SMAD9: variants seen among roughly 807,000 people sequenced by gnomAD.
SMAD9 encodes the protein SMAD family member 9.
In SMAD9, 36 loss-of-function variants were observed where a neutral mutation model predicts 46.1. The observed-to-expected ratio is 0.78, with a 90% CI of 0.60 to 1.03. The LOEUF (loss-of-function observed/expected upper bound fraction) is 1.03. Ranked by LOEUF, SMAD9 falls within the 50% of genes least tolerant of loss-of-function variation. The pLI, the probability that SMAD9 is intolerant of heterozygous loss-of-function variation, is 0.00. For missense variants in SMAD9, 572 were observed against 599.8 expected (o/e 0.95, Z 0.48); for synonymous variants, 245 against 237.1 (o/e 1.03, Z -0.31).
intron 1 of SMAD9, among the ~76,000 whole-genome samples, chr13:36,910,180 C>G (rs554784648): frequency 5.4e-5 from 8 of 147,882 alleles, no homozygotes; most frequent in East Asian, 4.0e-4. Flanking sequence ...GTGGGGGACA[C>G]AGCGAGACTC....
intron 1 of SMAD9, among the ~76,000 whole-genome samples, chr13:36,883,139 C>A (rs929432219): frequency 2.0e-5 from 3 of 152,112 alleles, no homozygotes; most frequent in Non-Finnish European, 4.4e-5. Flanking sequence ...AACCTGGCTC[C>A]GAACAGCTTT....
chr13:36,860,745 G>A (rs375054497), intron 5 of SMAD9, among the ~76,000 whole-genome samples: 2 of 151,952 alleles, frequency 1.3e-5, no homozygotes, highest in African/African-American at 4.8e-5. Context: ...GAGCCACCAC[G>A]CCCGGCCACC....
rs1416355288 is a variant in SMAD9 at position 36,847,595 on chromosome 13, G to A, written c.*1081C>T. The A allele has an allele frequency of 6.6e-6, 1 of 152,206 alleles. No homozygotes were observed. Among genetic ancestry groups the A allele is most frequent in the Admixed American group, 6.5e-5 (1 of 15,280 alleles). The allele number at this position is 152,206 out of a possible 1,614,324, so 9.4% of individuals were successfully genotyped here. ...TAGACACTAGGTTAAATAACTCATT[G>A]ATCCAATAATGTGTCTAGATTTTCT... is the stretch of plus-strand genomic sequence containing the variant. On this transcript the variant is annotated 3_prime_UTR_variant, in exon 7 of 7. Transcript: ENST00000379826.
At chr13:36,862,699 C>T (rs1278055087) in intron 5 of SMAD9, among the ~76,000 whole-genome samples, 1 of 152,182 alleles carries the variant, frequency 6.6e-6, no homozygotes, top group African/African-American at 2.4e-5. Context: ...AATAAACTTG[C>T]TTTCAGTTTA....
chr13:36,884,707 T>C (rs553622498), intron 1 of SMAD9, among the ~76,000 whole-genome samples: 1 of 152,212 alleles, frequency 6.6e-6, no homozygotes, highest in African/African-American at 2.4e-5. Flanking sequence ...TAGCAGTTAC[T>C]GAAGATGATT....
At chr13:36,896,344 G>C (rs1361865745) in intron 1 of SMAD9, among the ~76,000 whole-genome samples, 1 of 151,816 alleles carries the variant, frequency 6.6e-6, no homozygotes, top group Non-Finnish European at 1.5e-5. Flanking sequence ...TGTTTCCTAG[G>C]CTGGTTTCGA....
intron 5 of SMAD9, among the ~76,000 whole-genome samples, chr13:36,858,963 G>A (rs1025385577): frequency 1.3e-5 from 2 of 151,940 alleles, no homozygotes; most frequent in African/African-American, 4.8e-5. Flanking sequence ...CACCCACCTC[G>A]ACCTCCCAAA....
In SMAD9 at chr13:36,846,009, G is replaced by A. The variant is rs908581409; in HGVS notation, c.*2667C>T. 1 of 152,088 alleles carries A rather than the reference G, an allele frequency of 6.6e-6. No homozygotes were observed. The highest frequency in any genetic ancestry group is 1.5e-5 in the Non-Finnish European group (1 of 68,028). The allele number at this position is 152,088 out of a possible 1,614,324, so 9.4% of individuals were successfully genotyped here. ...GGGTGTCACTTTGTCACCCAGGCTA[G>A]AATGAAGTTGTATGATCATAGTTCA... On this transcript the variant is annotated 3_prime_UTR_variant, in exon 7 of 7. Transcript: ENST00000379826.
At chr13:36,902,250 T>C (rs2058582361) in intron 1 of SMAD9, among the ~76,000 whole-genome samples, 1 of 152,188 alleles carries the variant, frequency 6.6e-6, no homozygotes, top group Non-Finnish European at 1.5e-5. Context: ...CTCCACTGAA[T>C]AAAGAACTGG....
At chr13:36,865,510 C>G (rs748347542) in intron 5 of SMAD9, 27 bp downstream of exon 5, 13 of 1,582,754 alleles carry the variant, frequency 8.2e-6, no homozygotes, top group Non-Finnish European at 1.1e-5. Flanking sequence ...GGCTAGATGA[C>G]TAAAGGAATA....
rs1185325031 is a variant in SMAD9 at position 36,847,951 on chromosome 13, G to C, written c.*725C>G. 1 of 152,206 alleles carries C rather than the reference G, an allele frequency of 6.6e-6. No individual in the cohort carries two copies. 9.4% of individuals were successfully genotyped at this position (152,206 alleles called of 1,614,324 possible). A position where few individuals can be genotyped will look rare whatever the true frequency, so the allele number is the denominator to read the frequency against. Reference sequence around the variant, plus strand: ...TTGGACCAAGTTCTGGTCTTATCTTGCAATCTGGGAAACAGCATTTCATGC... The same window carrying C: ...TTGGACCAAGTTCTGGTCTTATCTTCCAATCTGGGAAACAGCATTTCATGC... On this transcript the variant is annotated 3_prime_UTR_variant, in exon 7 of 7. Transcript: ENST00000379826.
intron 1 of SMAD9, among the ~76,000 whole-genome samples, chr13:36,882,253 GTGTGTGTA>G (rs2058410491): frequency 1.4e-5 from 2 of 141,726 alleles, no homozygotes; most frequent in Admixed American, 1.4e-4. Flanking sequence ...GTGTGTGTGT[GTGTGTGTA>G]TGTGTGTGCG....
At chr13:36,865,791 A>C in intron 4 of SMAD9, 33 bp from the exon 5 acceptor site, 2 of 1,539,570 alleles carry the variant, frequency 1.3e-6, no homozygotes, top group Non-Finnish European at 1.8e-6. Flanking sequence ...ACACATGGCT[A>C]CTGTCATACC....
intron 5 of SMAD9, among the ~76,000 whole-genome samples, chr13:36,859,911 G>A (rs1341623200): frequency 6.6e-6 from 1 of 151,386 alleles, no homozygotes; most frequent in Non-Finnish European, 1.5e-5. Flanking sequence ...GGCGAGCCGA[G>A]ATTGTGCCAT....
chr13:36,861,318 G>T (rs1176776997), intron 5 of SMAD9, among the ~76,000 whole-genome samples: 1 of 151,932 alleles, frequency 6.6e-6, no homozygotes, highest in Admixed American at 6.6e-5. Context: ...ATAATAAAAA[G>T]AATTTTTTTT....
intron 1 of SMAD9, among the ~76,000 whole-genome samples, chr13:36,909,218 T>C (rs2058641594): frequency 6.6e-6 from 1 of 152,200 alleles, no homozygotes; most frequent in African/African-American, 2.4e-5. Flanking sequence ...CCATTGCCTG[T>C]TTGCTATGTA....
intron 5 of SMAD9, among the ~76,000 whole-genome samples, chr13:36,854,269 C>G (rs142653257): frequency 4.6e-5 from 7 of 152,320 alleles, no homozygotes; most frequent in Middle Eastern, 3.4e-3. Flanking sequence ...TCCCATCATT[C>G]CTGTTTATTT....
chr13:36,848,584 T>G lies in SMAD9; in HGVS notation c.*92A>C, dbSNP rs1352583341. The G allele has an allele frequency of 8.2e-7, 1 of 1,212,970 alleles. No homozygotes were observed. Among genetic ancestry groups the G allele is most frequent in the Non-Finnish European group, 1.2e-6 (1 of 815,290 alleles). 75.1% of individuals were successfully genotyped at this position (1,212,970 alleles called of 1,614,324 possible). ...TATACATTCTATGTATTTACACATG[T>G]TTTTAGAAACTTCAGTTGCAAATCT... On this transcript the variant is annotated 3_prime_UTR_variant, in exon 7 of 7. Transcript: ENST00000379826.
intron 1 of SMAD9, among the ~76,000 whole-genome samples, chr13:36,905,684 G>A (rs1198515308): frequency 6.7e-6 from 1 of 148,736 alleles, no homozygotes; most frequent in East Asian, 2.0e-4. Context: ...TGAGGTGGGA[G>A]GATCACTTGA....
Sources: gnomAD v4.1 joint callset for allele counts (sites outside exome capture counted in the v4.1 genomes callset) on GRCh38, gnomAD v4.1.1 for gene constraint, MANE v1.5 for transcripts, NCBI Gene and HGNC (gene_info 2026-07-23, HGNC 2026-07-21) for gene names.